The following CALB1 variants were observed in gnomAD, a reference collection of about 807,000 sequenced individuals.
CALB1 encodes calbindin.
Under a neutral mutation model 46.7 loss-of-function variants are expected in CALB1, and 16 were observed. The observed-to-expected ratio is 0.34, with a 90% confidence interval of 0.23 to 0.52. CALB1 has a LOEUF of 0.52. Ranked by LOEUF, CALB1 falls within the 20% of genes least tolerant of loss-of-function variation. CALB1 has a pLI of 0.95. For missense variants in CALB1, 224 were observed against 300.3 expected (o/e 0.75, Z 1.88); for synonymous variants, 90 against 112.8 (o/e 0.80, Z 1.28).
intron 6 of CALB1, among the ~76,000 whole-genome samples, chr8:90,065,475 C>G (rs1277871443): frequency 6.6e-6 from 1 of 151,720 alleles, no homozygotes; most frequent in African/African-American, 2.4e-5. Flanking sequence ...TTAAACTCAA[C>G]AAAGTGTGAT....
In CALB1 at chr8:90,082,734, C is replaced by A; in HGVS notation, c.-37G>T. 1.3e-6 allele frequency: 2 copies of A among 1,577,860 alleles called. No individual in the cohort carries two copies. The highest frequency in any genetic ancestry group is 1.7e-6 in the Non-Finnish European group (2 of 1,147,142). On this transcript the variant is annotated 5_prime_UTR_variant, in exon 1 of 11. Transcript: ENST00000265431. ...GTGTGTGTCTGGGTGTGTGAATATG[C>A]GTGTGTCTGTGTCCGCGCGAGGGGG...
intron 6 of CALB1, 45 bp downstream of exon 6, chr8:90,065,853 T>C: frequency 1.6e-6 from 2 of 1,233,462 alleles, no homozygotes; most frequent in Non-Finnish European, 2.4e-6. Flanking sequence ...AACATCATAC[T>C]ACTTCATGAG....
rs745870947 is a variant in CALB1 at position 90,060,331 on chromosome 8, GTTAA to G, written c.673-49_673-46del. On this transcript the variant is annotated intron_variant, in intron 10 of 10. Coordinates refer to ENST00000265431, the MANE Select transcript of CALB1 (RefSeq NM_004929.4). ...CATTGTAATCCAGTTAAATATGGAA[GTTAA>G]TTAACCACTGTCAAGTGATAAAATG... The G allele has an allele frequency of 1.1e-4, 123 of 1,138,230 alleles. No individual in the cohort carries two copies. In the African/African-American group the frequency reaches 1.6e-3, roughly 15 times the overall value. 70.5% of individuals were successfully genotyped at this position (1,138,230 alleles called of 1,614,324 possible).
Position 90,059,697 on chromosome 8 carries a change from T to C in CALB1, c.*476A>G, listed in dbSNP as rs937246596. ...ATTAACTATATTTTGGTGAGTATTT[T>C]AGATGGAAAAGCACATTCCTCCTAA... On this transcript the variant is annotated 3_prime_UTR_variant, in exon 11 of 11. Coordinates refer to ENST00000265431, the MANE Select transcript of CALB1 (RefSeq NM_004929.4). 6.5e-6 allele frequency: 1 copy of C among 153,738 alleles called. No homozygotes were observed. The highest frequency in any genetic ancestry group is 2.0e-4 in the South Asian group (1 of 4,940). The allele number at this position is 153,738 out of a possible 1,614,324, so 9.5% of individuals were successfully genotyped here. A position where few individuals can be genotyped will look rare whatever the true frequency, so the allele number is the denominator to read the frequency against.
intron 3 of CALB1, among the ~76,000 whole-genome samples, chr8:90,071,462 G>T: frequency 6.6e-6 from 1 of 152,076 alleles, no homozygotes; most frequent in Non-Finnish European, 1.5e-5. Flanking sequence ...CATGGAGAGG[G>T]GCTCTGGAGG....
chr8:90,067,173 G>A (rs922713293), intron 5 of CALB1, among the ~76,000 whole-genome samples: 2 of 152,092 alleles, frequency 1.3e-5, no homozygotes, highest in African/African-American at 2.4e-5. Context: ...CACAAAAATA[G>A]CCTCGGAGAA....
At chr8:90,077,780 A>G (rs7821408) in intron 3 of CALB1, among the ~76,000 whole-genome samples, 113,711 of 151,938 alleles carry the variant, frequency 0.75, 42,786 homozygotes, top group African/African-American at 0.82. Context: ...TTAACTTTCA[A>G]AGATTCACAT....
intron 5 of CALB1, among the ~76,000 whole-genome samples, chr8:90,067,504 T>TAAG (rs1329194918): frequency 2.6e-5 from 4 of 152,182 alleles, no homozygotes; most frequent in Non-Finnish European, 4.4e-5. Context: ...TGTCACCTTG[T>TAAG]GGATTGCTGA....
chr8:90,067,178 G>A (rs534061702), intron 5 of CALB1, among the ~76,000 whole-genome samples: 7 of 152,010 alleles, frequency 4.6e-5, no homozygotes, highest in African/African-American at 7.2e-5. Flanking sequence ...AAATAGCCTC[G>A]GAGAAACCTT....
intron 3 of CALB1, among the ~76,000 whole-genome samples, chr8:90,076,917 C>T (rs530171814): frequency 2.0e-5 from 3 of 151,846 alleles, no homozygotes; most frequent in African/African-American, 7.2e-5. Flanking sequence ...AATCTAGTAT[C>T]ACTGAAGAAA....
At chr8:90,074,458 ACT>A (rs1814586288) in intron 3 of CALB1, among the ~76,000 whole-genome samples, 1 of 152,100 alleles carries the variant, frequency 6.6e-6, no homozygotes, top group East Asian at 1.9e-4. Context: ...TGGCTTAGAG[ACT>A]CTGTCCCTTA....
At chr8:90,081,518 T>C in intron 2 of CALB1, 4 of 957,224 alleles carry the variant, frequency 4.2e-6, no homozygotes, top group African/African-American at 1.8e-5. Flanking sequence ...CAGATCTGTT[T>C]CTTGACCACC....
chr8:90,069,126 C>T (rs1179475079), intron 4 of CALB1, 28 bp downstream of exon 4: 1 of 1,610,122 alleles, frequency 6.2e-7, no homozygotes, highest in Non-Finnish European at 8.5e-7. Context: ...CTTTAAGCAG[C>T]TTTCTTAAAG....
chr8:90,069,405 C>G (rs964144466), intron 3 of CALB1, among the ~76,000 whole-genome samples, 168 bp from the exon 4 acceptor site: 4 of 152,096 alleles, frequency 2.6e-5, no homozygotes, highest in African/African-American at 4.8e-5. Flanking sequence ...TCCTATGGAG[C>G]GCTGTCGATT....
Position 90,069,054 on chromosome 8 carries a change from T to C in CALB1, c.316A>G (p.Thr106Ala), listed in dbSNP as rs1444798130. The change falls in exon 5 of 11, where the codon ACA (threonine) becomes GCA (alanine). Residue 106 changes from threonine to alanine, a missense_variant and splice_region_variant. Thr to Ala is a moderately conservative substitution (Grantham distance 58). Transcript: ENST00000265431. Reference protein sequence around the residue: ...QLKSCEEFMKTWRKYDTDHSG... With the variant: ...QLKSCEEFMKAWRKYDTDHSG... ...TGGTCAGTATCATATTTTCTCCATG[T>C]CTGTAAGTAATTTTGGATAAGGAAA... is the stretch of plus-strand genomic sequence containing the variant. 1.9e-6 allele frequency: 3 copies of C among 1,613,352 alleles called. No individual in the cohort carries two copies. Among genetic ancestry groups the C allele is most frequent in the African/African-American group, 1.3e-5 (1 of 75,010 alleles).
At chr8:90,060,321 A>T in intron 10 of CALB1, 35 bp from the exon 11 acceptor site, 2 of 1,287,408 alleles carry the variant, frequency 1.6e-6, no homozygotes, top group Non-Finnish European at 2.3e-6. Context: ...TAATCCAGTT[A>T]AATATGGAAG....
Position 90,082,605 on chromosome 8 carries a change from GAGA to G in CALB1, c.79+11_79+13del, listed in dbSNP as rs777000816. 1.2e-6 allele frequency: 2 copies of G among 1,609,952 alleles called. No homozygotes were observed. The highest frequency in any genetic ancestry group is 1.7e-6 in the Non-Finnish European group (2 of 1,176,174). ...AAACGGGTCTTGAAACAGTTAAAAA[GAGA>G]AGATAATCACCGTCAGCGTCGAAAT... On this transcript the variant is annotated intron_variant, in intron 1 of 10. Coordinates refer to ENST00000265431, the MANE Select transcript of CALB1 (RefSeq NM_004929.4).
At chr8:90,068,120 AATTG>A (rs1814433618) in intron 5 of CALB1, among the ~76,000 whole-genome samples, 1 of 152,180 alleles carries the variant, frequency 6.6e-6, no homozygotes, top group South Asian at 2.1e-4. Flanking sequence ...AAGGCTAGTA[AATTG>A]AGTTCATGAA....
intron 6 of CALB1, chr8:90,064,290 G>C (rs563016432): frequency 6.6e-6 from 1 of 151,746 alleles, no homozygotes; most frequent in South Asian, 2.1e-4. Flanking sequence ...TCTTTTGTAG[G>C]AGGCAGATTT....
Sources: allele counts gnomAD v4.1 joint callset (sites outside exome capture counted in the v4.1 genomes callset), GRCh38; gene constraint gnomAD v4.1.1; transcripts MANE v1.5; gene names NCBI Gene and HGNC (gene_info 2026-07-23, HGNC 2026-07-21).